The following SVIL variants were observed in gnomAD, a reference collection of about 807,000 sequenced individuals.
SVIL encodes archvillin.
SVIL carries 101 observed loss-of-function variants against 240.4 expected under a neutral mutation model. The observed-to-expected ratio is 0.42, with a 90% confidence interval of 0.36 to 0.50. The LOEUF is 0.50. SVIL is among the 20% of genes least tolerant of loss of function. The probability of loss-of-function intolerance (pLI) is 0.01; values close to 1 mark genes in which losing one functional copy is unlikely to be tolerated. For synonymous variants in SVIL, 999 were observed against 1,100.0 expected (o/e 0.91, Z 1.82); for missense variants, 2,512 against 2,818.7 (o/e 0.89, Z 2.46).
intron 1 of SVIL, among the ~76,000 whole-genome samples, chr10:29,607,456 A>G (rs1957068575): frequency 1.3e-5 from 2 of 152,274 alleles, no homozygotes; most frequent in South Asian, 4.1e-4. Flanking sequence ...CTTAGGAAGA[A>G]TTGATATATT....
intron 2 of SVIL, among the ~76,000 whole-genome samples, chr10:29,569,054 A>G (rs954008213): frequency 2.5e-4 from 38 of 152,260 alleles, no homozygotes; most frequent in Non-Finnish European, 4.4e-4. Flanking sequence ...AGAGACAGCA[A>G]GATTCTGTTC....
At chr10:29,541,551 C>T (rs917835709) in intron 6 of SVIL, among the ~76,000 whole-genome samples, 2 of 152,120 alleles carry the variant, frequency 1.3e-5, no homozygotes, top group African/African-American at 4.8e-5. Context: ...GTGAGATAAC[C>T]AATTTCTTCC....
chr10:29,704,740 C>T (rs930683680), intron 1 of SVIL, among the ~76,000 whole-genome samples: 1 of 152,122 alleles, frequency 6.6e-6, no homozygotes, highest in Non-Finnish European at 1.5e-5. Context: ...CCTCCTTGGC[C>T]ATTCAGGTAC....
chr10:29,533,620 T>A (rs1262028707), intron 7 of SVIL, among the ~76,000 whole-genome samples, 162 bp from the exon 8 acceptor site: 8 of 152,208 alleles, frequency 5.3e-5, no homozygotes, highest in Non-Finnish European at 1.2e-4. Flanking sequence ...TGTCAGATGA[T>A]CCTGAGTTGA....
intron 1 of SVIL, among the ~76,000 whole-genome samples, chr10:29,583,677 G>A (rs1168084421): frequency 3.3e-5 from 5 of 152,200 alleles, no homozygotes; most frequent in African/African-American, 4.8e-5. Flanking sequence ...TGATTGATGC[G>A]GGGTAGGGGA....
At chr10:29,549,088 A>C (rs575154478) in intron 6 of SVIL, among the ~76,000 whole-genome samples, 2 of 151,458 alleles carry the variant, frequency 1.3e-5, no homozygotes, top group South Asian at 2.1e-4. Flanking sequence ...CAACCCACAA[A>C]ATGGGAGAAA....
chr10:29,564,914 C>T (rs536998352), intron 2 of SVIL, among the ~76,000 whole-genome samples: 7 of 152,298 alleles, frequency 4.6e-5, no homozygotes, highest in Non-Finnish European at 1.0e-4. Context: ...GTAACTACTC[C>T]TTTCAGTGTA....
intron 1 of SVIL, among the ~76,000 whole-genome samples, chr10:29,708,938 GA>G (rs1963093962): frequency 6.6e-6 from 1 of 152,220 alleles, no homozygotes; most frequent in African/African-American, 2.4e-5. Flanking sequence ...ATTACACAAT[GA>G]AAAGTTCAAT....
chr10:29,671,430 G>A (rs1959767857), intron 2 of SVIL, among the ~76,000 whole-genome samples: 1 of 152,152 alleles, frequency 6.6e-6, no homozygotes, highest in Non-Finnish European at 1.5e-5. Flanking sequence ...AAGAAAATTC[G>A]CTGTGTTGCT....
At chr10:29,576,098 C>A (rs138417188) in intron 1 of SVIL, 85 of 985,268 alleles carry the variant, frequency 8.6e-5, no homozygotes, top group Non-Finnish European at 9.9e-5. Flanking sequence ...TGGTACCTGA[C>A]TTTTCTCTCC....
At chr10:29,648,207 G>A (rs566036433) in intron 3 of SVIL, among the ~76,000 whole-genome samples, 2 of 152,218 alleles carry the variant, frequency 1.3e-5, no homozygotes, top group South Asian at 2.1e-4. Context: ...GTTCACAAAC[G>A]TTACTTGTAC....
chr10:29,592,851 TCTAATGA>T (rs1340744798), intron 1 of SVIL, among the ~76,000 whole-genome samples: 1 of 152,198 alleles, frequency 6.6e-6, no homozygotes, highest in Non-Finnish European at 1.5e-5. Flanking sequence ...TAAAGTTCAT[TCTAATGA>T]CTAATGTTCT....
chr10:29,701,899 C>T (rs970447449), intron 1 of SVIL, among the ~76,000 whole-genome samples: 4 of 152,196 alleles, frequency 2.6e-5, no homozygotes, highest in South Asian at 2.1e-4. Context: ...ATAGGCTGGG[C>T]GCGGTGGCTC....
intron 1 of SVIL, among the ~76,000 whole-genome samples, chr10:29,632,588 G>C (rs1441759068): frequency 6.6e-6 from 1 of 152,056 alleles, no homozygotes; most frequent in Non-Finnish European, 1.5e-5. Context: ...TCTTCCAGAA[G>C]TCTGTTTATC....
At chr10:29,617,970 A>C (rs1346686854) in intron 1 of SVIL, among the ~76,000 whole-genome samples, 1 of 152,228 alleles carries the variant, frequency 6.6e-6, no homozygotes, top group Non-Finnish European at 1.5e-5. Flanking sequence ...CCATCATTAC[A>C]TTATCATGGG....
At chr10:29,609,982 C>T (rs774841105) in intron 1 of SVIL, among the ~76,000 whole-genome samples, 6 of 152,158 alleles carry the variant, frequency 3.9e-5, no homozygotes, top group African/African-American at 1.2e-4. Flanking sequence ...GCTGGTAAAG[C>T]GACACCCTAA....
At chr10:29,679,269 G>A (rs75710392) in intron 2 of SVIL, among the ~76,000 whole-genome samples, 2,432 of 152,238 alleles carry the variant, frequency 0.016, 61 homozygotes, top group African/African-American at 0.056. Flanking sequence ...CAACTAAGGG[G>A]ACTAACTTGC....
intron 5 of SVIL, among the ~76,000 whole-genome samples, chr10:29,553,475 A>G (rs12573387): frequency 0.47 from 71,993 of 151,874 alleles, 17,116 homozygotes; most frequent in Admixed American, 0.55. Context: ...CAGCTACTCC[A>G]GAGGCTGAGG....
chr10:29,550,111 C>T (rs1953146115), intron 6 of SVIL, among the ~76,000 whole-genome samples: 1 of 149,342 alleles, frequency 6.7e-6, no homozygotes, highest in African/African-American at 2.5e-5. Context: ...AGGCTTCCTG[C>T]TTTGGTAGAA....
Sources: allele counts gnomAD v4.1 joint callset (sites outside exome capture counted in the v4.1 genomes callset), GRCh38; gene constraint gnomAD v4.1.1; transcripts MANE v1.5; gene names NCBI Gene and HGNC (gene_info 2026-07-23, HGNC 2026-07-21).